Variants in EPHA6 observed in about 807,000 individuals in gnomAD.
The protein encoded by EPHA6 is ephrin type-A receptor 6.
Under a neutral mutation model 112.0 loss-of-function variants are expected in EPHA6, and 50 were observed. The ratio of observed to expected loss-of-function variants is 0.45; its 90% CI spans 0.36 to 0.56. The LOEUF is 0.56. Ranked by LOEUF, EPHA6 falls within the 20% of genes least tolerant of loss-of-function variation. EPHA6 has a pLI of 0.00. For synonymous variants in EPHA6, 529 were observed against 490.7 expected (o/e 1.08, Z -1.03); for missense variants, 1,280 against 1,417.4 (o/e 0.90, Z 1.56).
intron 3 of EPHA6, among the ~76,000 whole-genome samples, chr3:97,200,015 G>A (rs903486200): frequency 6.6e-6 from 1 of 152,010 alleles, no homozygotes; most frequent in African/African-American, 2.4e-5. Context: ...TCTCAAATAG[G>A]GGTTATAGAG....
In EPHA6 at chr3:97,753,869, G is replaced by C. The variant is rs186608124; in HGVS notation, c.*5168G>C. 2.7e-4 allele frequency among the ~76,000 whole-genome samples: 41 copies of C among 152,022 alleles called. 1 individual carries two copies. In the South Asian group the frequency reaches 3.7e-3, roughly 14 times the overall value. ...ACTGTTAAAAAAAAAGTACTGATGA[G>C]ATGTAGCAAAGATTTCTCAGGATAA... On this transcript the variant is annotated 3_prime_UTR_variant, in exon 18 of 18. Transcript: ENST00000389672.
chr3:97,329,593 C>G (rs1483425671), intron 5 of EPHA6, among the ~76,000 whole-genome samples: 2 of 151,942 alleles, frequency 1.3e-5, no homozygotes, highest in Non-Finnish European at 1.5e-5. Flanking sequence ...TTTCATGTGT[C>G]TTTTGGCTGC....
At chr3:96,899,914 G>C (rs1292075990) in intron 2 of EPHA6, among the ~76,000 whole-genome samples, 2 of 151,936 alleles carry the variant, frequency 1.3e-5, no homozygotes, top group East Asian at 3.9e-4. Context: ...GCCTTATATA[G>C]ATCTTGGAAA....
chr3:97,751,955 T>C lies in EPHA6; in HGVS notation c.*3254T>C, dbSNP rs1365673802. Among the ~76,000 whole-genome samples, 1 of 152,086 alleles carries C rather than the reference T, an allele frequency of 6.6e-6. No homozygotes were observed. The highest frequency in any genetic ancestry group is 2.4e-5 in the African/African-American group (1 of 41,422). On this transcript the variant is annotated 3_prime_UTR_variant, in exon 18 of 18. Coordinates refer to ENST00000389672, the MANE Select transcript of EPHA6 (RefSeq NM_001080448.3). ...TAGTAGAAGGCATATTTGGAAAAAA[T>C]GTGAAAACAATGTACAATCAAGGAG...
At chr3:96,845,567 G>C (rs1215382223) in intron 1 of EPHA6, among the ~76,000 whole-genome samples, 1 of 151,928 alleles carries the variant, frequency 6.6e-6, no homozygotes, top group Non-Finnish European at 1.5e-5. Context: ...TGTTCTGCCT[G>C]TCTTAACTTC....
chr3:97,303,195 A>G (rs567966123), intron 5 of EPHA6, among the ~76,000 whole-genome samples: 3 of 151,946 alleles, frequency 2.0e-5, no homozygotes, highest in Non-Finnish European at 4.4e-5. Flanking sequence ...AAAGATACAT[A>G]TTATAAATAT....
chr3:97,740,768 C>T (rs2035469351), intron 16 of EPHA6, among the ~76,000 whole-genome samples: 1 of 152,126 alleles, frequency 6.6e-6, no homozygotes, highest in Non-Finnish European at 1.5e-5. Context: ...TAACTTCCAA[C>T]ATTTTGATAT....
rs1352595213 is a variant in EPHA6, at chr3:97,226,364, G to A, written c.1215G>A (p.Gln405=). The A allele has an allele frequency of 6.2e-7, 1 of 1,613,730 alleles. No homozygotes were observed. The highest frequency in any genetic ancestry group is 8.5e-7 in the Non-Finnish European group (1 of 1,179,714). The change falls in exon 4 of 18, where the codon CAG becomes CAA. Residue 405 remains glutamine (Q), a synonymous_variant. Coordinates refer to ENST00000389672, the MANE Select transcript of EPHA6 (RefSeq NM_001080448.3). ...ACATGGAAGCAACTTCTGTCTGTCA[G>A]TGTGAAAAGGGTTATTTCCGAGCTG... ...LTYMEATSVC[Q]CEKGYFRAEK...
chr3:97,747,378 CT>C, intron 16 of EPHA6, 44 bp from the exon 17 acceptor site: 1 of 1,422,958 alleles, frequency 7.0e-7, no homozygotes, highest in East Asian at 2.8e-5. Flanking sequence ...CTTTATTTGG[CT>C]TTTAAATGCT....
chr3:96,935,661 T>C lies in EPHA6; in HGVS notation c.451-51669T>C, dbSNP rs1394089272. ...TAAATATTATATATATTTATAACAG[T>C]TCAACTTGCCTTAAACATTATATAT... On this transcript the variant is annotated intron_variant, in intron 2 of 17. Transcript: ENST00000389672. Among the ~76,000 whole-genome samples, 5 of 148,412 alleles carry C rather than the reference T, an allele frequency of 3.4e-5. No individual in the cohort carries two copies. In the Admixed American group the frequency reaches 3.4e-4, roughly 10 times the overall value.
chr3:97,716,590 A>G (rs987297408), intron 14 of EPHA6, among the ~76,000 whole-genome samples: 3 of 151,096 alleles, frequency 2.0e-5, no homozygotes, highest in Admixed American at 1.3e-4. Flanking sequence ...AAAAAAAAAA[A>G]AAAAAAAAGA....
At chr3:96,911,118 A>G (rs536172304) in intron 2 of EPHA6, among the ~76,000 whole-genome samples, 4 of 152,102 alleles carry the variant, frequency 2.6e-5, no homozygotes, top group Non-Finnish European at 5.9e-5. Context: ...CCTTATAAAC[A>G]TTCAACACAC....
At chr3:96,859,255 ATTTT>A (rs2107416990) in intron 1 of EPHA6, among the ~76,000 whole-genome samples, 1 of 152,212 alleles carries the variant, frequency 6.6e-6, no homozygotes, top group South Asian at 2.1e-4. Context: ...GAATTCTTTA[ATTTT>A]AAGTTGTTTA....
At chr3:96,940,096 G>C (rs1311523259) in intron 2 of EPHA6, among the ~76,000 whole-genome samples, 2 of 152,198 alleles carry the variant, frequency 1.3e-5, no homozygotes, top group African/African-American at 4.8e-5. Flanking sequence ...CTGGGGTGGA[G>C]AGTTCTGTAG....
chr3:97,082,356 G>A (rs1357895965), intron 3 of EPHA6, among the ~76,000 whole-genome samples: 1 of 151,844 alleles, frequency 6.6e-6, no homozygotes, highest in African/African-American at 2.4e-5. Flanking sequence ...TAAATAGCGT[G>A]TTATTTATTT....
At chr3:97,598,139 T>A (rs1286240689) in intron 12 of EPHA6, among the ~76,000 whole-genome samples, 1 of 151,736 alleles carries the variant, frequency 6.6e-6, no homozygotes, top group Non-Finnish European at 1.5e-5. Context: ...TTATTTTTTA[T>A]TTTTTTTATT....
intron 14 of EPHA6, among the ~76,000 whole-genome samples, chr3:97,642,622 C>T (rs1333833057): frequency 1.3e-5 from 2 of 152,050 alleles, no homozygotes; most frequent in Non-Finnish European, 2.9e-5. Flanking sequence ...AAAACCAAGG[C>T]TCGAGAACTA....
In EPHA6 at chr3:97,408,183, G is replaced by A. The variant is rs1319151727; in HGVS notation, c.1731+2909G>A. On this transcript the variant is annotated intron_variant, in intron 6 of 17. Coordinates refer to ENST00000389672, the MANE Select transcript of EPHA6 (RefSeq NM_001080448.3). Reference sequence around the variant, plus strand: ...CATAAAGCACCAATCCCACCCAAGAGGGTGTAGCCTTCATGGCCTAATGAT... The same window carrying A: ...CATAAAGCACCAATCCCACCCAAGAAGGTGTAGCCTTCATGGCCTAATGAT... 4.6e-5 allele frequency among the ~76,000 whole-genome samples: 7 copies of A among 152,174 alleles called. No homozygotes were observed. The South Asian group carries it at 1.5e-3, about 32-fold the overall frequency.
At chr3:97,296,550 G>A (rs925019493) in intron 5 of EPHA6, among the ~76,000 whole-genome samples, 5 of 152,160 alleles carry the variant, frequency 3.3e-5, no homozygotes, top group African/African-American at 1.2e-4. Flanking sequence ...GTGGGGGTGG[G>A]TTGCTGTTAG....
Sources: gnomAD v4.1 joint callset for allele counts (sites outside exome capture counted in the v4.1 genomes callset) on GRCh38, gnomAD v4.1.1 for gene constraint, MANE v1.5 for transcripts, NCBI Gene and HGNC (gene_info 2026-07-23, HGNC 2026-07-21) for gene names.